The following LARP4B variants were observed in gnomAD, a reference collection of about 807,000 sequenced individuals.
The protein encoded by LARP4B is la-related protein 4B.
LARP4B carries 12 observed loss-of-function variants against 89.8 expected under a neutral mutation model. The observed-to-expected ratio is 0.13, with a 90% CI of 0.09 to 0.22. The LOEUF (loss-of-function observed/expected upper bound fraction) is 0.22. Ranked by LOEUF, LARP4B falls within the 10% of genes least tolerant of loss-of-function variation. LARP4B has a pLI of 1.00. For missense variants in LARP4B, 757 were observed against 947.7 expected, an observed-to-expected ratio of 0.80 and a Z score of 2.64; for synonymous variants, 367 against 363.3, an observed-to-expected ratio of 1.01 and a Z score of -0.12.
chr10:934,770 A>C (rs1487337161), upstream of LARP4B, among the ~76,000 whole-genome samples: 1 of 152,128 alleles, frequency 6.6e-6, no homozygotes, highest in African/African-American at 2.4e-5. Flanking sequence ...CTCATTTCCC[A>C]TGTCAAGTGG....
At chr10:970,508 A>G in the LARP4B span, among the ~76,000 whole-genome samples, 1 of 152,064 alleles carries the variant, frequency 6.6e-6, no homozygotes, top group Admixed American at 6.6e-5. Flanking sequence ...AGTCTCTAAG[A>G]GCTTGTAAAT....
chr10:884,518 A>G lies in LARP4B; in HGVS notation c.82-12T>C. The G allele has an allele frequency of 1.9e-6, 3 of 1,572,800 alleles. No individual in the cohort carries two copies. In the African/African-American group the frequency reaches 4.0e-5, roughly 21 times the overall value. ...ATAGGACCATTCATCTGTAAAATTG[A>G]AAACAAAGACAACATCAGTACAATG... On this transcript the variant is annotated splice_polypyrimidine_tract_variant and intron_variant, in intron 2 of 17. Coordinates refer to ENST00000316157, the MANE Select transcript of LARP4B (RefSeq NM_015155.3).
chr10:931,041 G>A (rs1589000461), intron 1 of LARP4B, among the ~76,000 whole-genome samples: 2 of 136,226 alleles, frequency 1.5e-5, no homozygotes, highest in Non-Finnish European at 3.1e-5. Context: ...CCCTGACCCC[G>A]GCCCGGTCTT....
chr10:823,401 G>A (rs1377222118), intron 13 of LARP4B, among the ~76,000 whole-genome samples: 2 of 152,192 alleles, frequency 1.3e-5, no homozygotes, highest in African/African-American at 4.8e-5. Flanking sequence ...GCATTTGGAA[G>A]TTCAAGTATT....
intron 3 of LARP4B, among the ~76,000 whole-genome samples, chr10:877,807 G>T (rs952009865): frequency 6.6e-6 from 1 of 152,152 alleles, no homozygotes; most frequent in East Asian, 1.9e-4. Context: ...GGAAGACACT[G>T]GAATACATCA....
upstream of LARP4B, among the ~76,000 whole-genome samples, chr10:935,095 T>C (rs1830730174): frequency 6.6e-6 from 1 of 152,198 alleles, no homozygotes; most frequent in South Asian, 2.1e-4. Flanking sequence ...TCCTGCCTTA[T>C]CCTAAGACAT....
the LARP4B span, among the ~76,000 whole-genome samples, chr10:974,436 G>C: frequency 6.6e-6 from 1 of 152,174 alleles, no homozygotes. Context: ...GTTTCTCAGA[G>C]AGGCCTGGGC....
At chr10:944,654 C>T in the LARP4B span, among the ~76,000 whole-genome samples, 110 of 152,358 alleles carry the variant, frequency 7.2e-4, 1 homozygote, top group African/African-American at 2.2e-3. Flanking sequence ...GTCAGCCCCA[C>T]GCGTGTCTGG....
chr10:953,923 G>A, the LARP4B span, among the ~76,000 whole-genome samples: 1 of 152,252 alleles, frequency 6.6e-6, no homozygotes, highest in East Asian at 1.9e-4. Context: ...TCCAAGGAAA[G>A]ACGGGAGCTC....
the LARP4B span, among the ~76,000 whole-genome samples, chr10:944,827 T>C: frequency 3.9e-5 from 6 of 151,990 alleles, no homozygotes; most frequent in African/African-American, 7.3e-5. Context: ...AATGGTTGGC[T>C]CAAGTCGGCG....
chr10:873,014 G>A, intron 3 of LARP4B: 1 of 984,834 alleles, frequency 1.0e-6, no homozygotes, highest in African/African-American at 1.7e-5. Flanking sequence ...ACCTTTGACG[G>A]TATCAAATAA....
chr10:843,350 T>G (rs145555983), intron 6 of LARP4B, among the ~76,000 whole-genome samples: 1 of 152,328 alleles, frequency 6.6e-6, no homozygotes, highest in Non-Finnish European at 1.5e-5. Flanking sequence ...ATGTAATTAT[T>G]TATAGCTGTC....
chr10:907,669 T>C (rs1390394673), intron 1 of LARP4B, among the ~76,000 whole-genome samples: 1 of 152,210 alleles, frequency 6.6e-6, no homozygotes, highest in East Asian at 1.9e-4. Context: ...TTTCATGGCA[T>C]AGAATTCTTA....
At chr10:855,710 A>C (rs1335297716) in intron 5 of LARP4B, among the ~76,000 whole-genome samples, 1 of 152,258 alleles carries the variant, frequency 6.6e-6, no homozygotes, top group Non-Finnish European at 1.5e-5. Flanking sequence ...TGAAATGAAT[A>C]CATGCTATTG....
In LARP4B at chr10:827,567, G is replaced by A. The variant is rs1299937919; in HGVS notation, c.1126-1697C>T. On this transcript the variant is annotated intron_variant, in intron 11 of 17. Coordinates refer to ENST00000316157, the MANE Select transcript of LARP4B (RefSeq NM_015155.3). ...TGTTTTAGCACAAGTAAAAGGCTGC[G>A]ATGGAGAGCCCCAGTATCACAGACT... 3.9e-5 allele frequency among the ~76,000 whole-genome samples: 6 copies of A among 152,178 alleles called. No homozygotes were observed. In the East Asian group the frequency reaches 9.6e-4, roughly 24 times the overall value.
the LARP4B span, among the ~76,000 whole-genome samples, chr10:955,407 C>T: frequency 6.6e-6 from 1 of 152,238 alleles, no homozygotes; most frequent in African/African-American, 2.4e-5. The surrounding 1 kb of genome is among the most constrained non-coding windows in gnomAD (Gnocchi z 5.2). Context: ...TTCCTTGTCC[C>T]TAGTCCCCAA....
Position 813,229 on chromosome 10 carries a change from C to T in LARP4B, c.1930-16G>A. 2 of 1,586,004 alleles carry T rather than the reference C, an allele frequency of 1.3e-6. No individual in the cohort carries two copies. Among genetic ancestry groups the T allele is most frequent in the Non-Finnish European group, 1.7e-6 (2 of 1,168,362 alleles). On this transcript the variant is annotated splice_polypyrimidine_tract_variant and intron_variant, in intron 17 of 17. Transcript: ENST00000316157. Reference sequence around the variant, plus strand: ...TTCGCAATTCCTGGAAACAGACAATCCTGGGTTACCTGTGTGAAATGGTGT... The same window carrying T: ...TTCGCAATTCCTGGAAACAGACAATTCTGGGTTACCTGTGTGAAATGGTGT...
intron 1 of LARP4B, among the ~76,000 whole-genome samples, chr10:907,931 T>C (rs548036196): frequency 6.4e-4 from 97 of 152,196 alleles, no homozygotes; most frequent in African/African-American, 1.9e-3. Flanking sequence ...CTAGGCTGGG[T>C]GCGGTGGCTC....
the LARP4B span, among the ~76,000 whole-genome samples, chr10:960,705 C>G: frequency 8.4e-5 from 3 of 35,796 alleles, no homozygotes; most frequent in Non-Finnish European, 1.4e-4. Context: ...GAGACTCTGT[C>G]TCAAAAAAAA....
Sources: gnomAD v4.1 joint callset for allele counts (sites outside exome capture counted in the v4.1 genomes callset) on GRCh38, gnomAD v4.1.1 for gene constraint, Gnocchi (gnomAD v3.1) non-coding constraint, MANE v1.5 for transcripts, NCBI Gene and HGNC (gene_info 2026-07-23, HGNC 2026-07-21) for gene names.